The following ZNF385B variants were observed in gnomAD, a reference collection of about 807,000 sequenced individuals.
The protein encoded by ZNF385B is zinc finger protein 533.
ZNF385B carries 23 observed loss-of-function variants against 39.2 expected under a neutral mutation model. The ratio of observed to expected loss-of-function variants is 0.59; its 90% CI spans 0.42 to 0.83. The LOEUF (loss-of-function observed/expected upper bound fraction) is 0.83. Among genes scored for constraint, ZNF385B ranks in the 40% least tolerant of loss-of-function variants. ZNF385B has a pLI of 0.00. For synonymous variants in ZNF385B, 205 were observed against 222.6 expected, an observed-to-expected ratio of 0.92 and a Z score of 0.70; for missense variants, 552 against 598.9, an observed-to-expected ratio of 0.92 and a Z score of 0.82.
intron 3 of ZNF385B, 91 bp downstream of exon 3, chr2:179,769,412 G>A (rs556994995): frequency 1.0e-4 from 161 of 1,542,118 alleles, no homozygotes; most frequent in Non-Finnish European, 1.3e-4. Context: ...CAGTTTTAAG[G>A]TAAAAATTAA....
intron 1 of ZNF385B, among the ~76,000 whole-genome samples, chr2:179,833,553 C>T (rs1007500621): frequency 5.9e-5 from 9 of 152,064 alleles, no homozygotes; most frequent in South Asian, 2.1e-4. Flanking sequence ...CCCCTTATGC[C>T]GTTTGATAAA....
chr2:179,513,686 C>T (rs1366536864), intron 5 of ZNF385B, among the ~76,000 whole-genome samples: 1 of 152,174 alleles, frequency 6.6e-6, no homozygotes, highest in African/African-American at 2.4e-5. Flanking sequence ...ATCCTCCTGA[C>T]AGAGGTACTG....
In ZNF385B at chr2:179,548,433, T is replaced by G. The variant is rs190518294; in HGVS notation, c.299-3464A>C. 3.6e-4 allele frequency among the ~76,000 whole-genome samples: 52 copies of G among 144,528 alleles called. 7 individuals are homozygous for G. Among genetic ancestry groups the G allele is most frequent in the African/African-American group, 1.3e-3 (51 of 38,332 alleles). 94.8% of individuals were successfully genotyped at this position (144,528 alleles called of 152,430 possible). A position where few individuals can be genotyped will look rare whatever the true frequency, so the allele number is the denominator to read the frequency against. On this transcript the variant is annotated intron_variant, in intron 3 of 9. Transcript: ENST00000410066. ...GGTTTGTTTGTTTGTTTGTTTGTTT[T>G]AATATAACAACTTTATTGAGGTATA...
At chr2:179,582,181 G>A (rs1037534882) in intron 3 of ZNF385B, among the ~76,000 whole-genome samples, 20 of 150,914 alleles carry the variant, frequency 1.3e-4, no homozygotes, top group Admixed American at 1.3e-3. Context: ...TACACTAATA[G>A]AGAGAAAAGA....
At chr2:179,507,264 T>C (rs944921121) in intron 5 of ZNF385B, among the ~76,000 whole-genome samples, 3 of 152,120 alleles carry the variant, frequency 2.0e-5, no homozygotes, top group Non-Finnish European at 2.9e-5. Context: ...ACACAAAATT[T>C]TACATAGTTT....
At chr2:179,833,336 GGT>G (rs1708081027) in intron 1 of ZNF385B, among the ~76,000 whole-genome samples, 6 of 151,746 alleles carry the variant, frequency 4.0e-5, no homozygotes, top group South Asian at 4.2e-4. Context: ...AATAAGATGT[GGT>G]AGCTAGAAAA....
Position 179,844,926 on chromosome 2 carries a change from G to C in ZNF385B, c.-155+16175C>G, listed in dbSNP as rs115688854. The stretch of plus-strand genomic sequence containing the variant: ...ATTAAACTTAAAGAACCATGTCCAG[G>C]ACTTATTTATCCCATTGTCTTTCTT... On this transcript the variant is annotated intron_variant, in intron 1 of 9. Transcript: ENST00000410066. 7.1e-3 allele frequency among the ~76,000 whole-genome samples: 1,074 copies of C among 152,180 alleles called. 13 individuals carry two copies. Among genetic ancestry groups the C allele is most frequent in the African/African-American group, 0.025 (1,026 of 41,530 alleles).
chr2:179,815,674 G>A (rs554329388), intron 1 of ZNF385B, among the ~76,000 whole-genome samples: 4 of 152,036 alleles, frequency 2.6e-5, no homozygotes, highest in Non-Finnish European at 5.9e-5. Context: ...CTACTCTAGC[G>A]CTTAACCAGG....
intron 1 of ZNF385B, chr2:179,814,632 C>G: frequency 2.1e-6 from 1 of 473,912 alleles, no homozygotes; most frequent in South Asian, 1.9e-5. Context: ...TGGTGGCGAC[C>G]TGGTCTTGTC....
intron 3 of ZNF385B, among the ~76,000 whole-genome samples, chr2:179,608,957 G>A (rs1000757067): frequency 2.0e-5 from 3 of 149,462 alleles, no homozygotes; most frequent in African/African-American, 7.4e-5. Context: ...GTACAAAGTA[G>A]GTGTATATAT....
At chr2:179,745,624 G>C (rs1533384) in intron 3 of ZNF385B, 143,633 of 1,132,152 alleles carry the variant, frequency 0.13, 13,289 homozygotes, top group East Asian at 0.51. Flanking sequence ...CACAATTGAG[G>C]ACTCCACAGG....
chr2:179,582,874 A>T (rs186791503), intron 3 of ZNF385B, among the ~76,000 whole-genome samples: 5 of 152,126 alleles, frequency 3.3e-5, no homozygotes, highest in Admixed American at 3.3e-4. Flanking sequence ...TTTGAGATGG[A>T]GTTTCGCTGT....
intron 1 of ZNF385B, among the ~76,000 whole-genome samples, chr2:179,822,308 A>G (rs1707445817): frequency 6.6e-6 from 1 of 152,236 alleles, no homozygotes; most frequent in Admixed American, 6.5e-5. Context: ...AGCTTAATAC[A>G]TCACTTCACC....
intron 6 of ZNF385B, among the ~76,000 whole-genome samples, chr2:179,473,256 C>G (rs1443760878): frequency 6.6e-6 from 1 of 152,128 alleles, no homozygotes; most frequent in African/African-American, 2.4e-5. Flanking sequence ...AATGAAACCA[C>G]AAGTGCAAAT....
intron 3 of ZNF385B, among the ~76,000 whole-genome samples, chr2:179,601,497 ATAGT>A (rs2106104519): frequency 6.6e-6 from 1 of 152,284 alleles, no homozygotes; most frequent in Non-Finnish European, 1.5e-5. Context: ...AAGTATGATA[ATAGT>A]TTGCAGTTTT....
At chr2:179,535,132 T>C (rs1296982193) in intron 4 of ZNF385B, among the ~76,000 whole-genome samples, 1 of 152,192 alleles carries the variant, frequency 6.6e-6, no homozygotes, top group Non-Finnish European at 1.5e-5. Flanking sequence ...GAGAATTTCA[T>C]TCTATGCACC....
chr2:179,831,547 T>G (rs1353004531), intron 1 of ZNF385B, among the ~76,000 whole-genome samples: 1 of 152,148 alleles, frequency 6.6e-6, no homozygotes, highest in Non-Finnish European at 1.5e-5. Flanking sequence ...TTTTTGTTTT[T>G]AAAAAATCTA....
rs578259754 is a variant in ZNF385B at position 179,494,280 on chromosome 2, G to T, written c.553-10846C>A. 5.3e-5 allele frequency among the ~76,000 whole-genome samples: 8 copies of T among 152,118 alleles called. No individual in the cohort carries two copies. The South Asian group carries it at 1.7e-3, about 32-fold the overall frequency. On this transcript the variant is annotated intron_variant, in intron 5 of 9. Coordinates refer to ENST00000410066, the MANE Select transcript of ZNF385B (RefSeq NM_152520.6). ...ATTCTGAGTAGATGCAGAATCACAG[G>T]GGTGTTTTAAGTCAGAAGAGCAACC...
At chr2:179,729,880 C>T (rs1300445156) in intron 3 of ZNF385B, among the ~76,000 whole-genome samples, 2 of 152,106 alleles carry the variant, frequency 1.3e-5, no homozygotes, top group Non-Finnish European at 2.9e-5. Context: ...TGCCTGCCAC[C>T]GTGTAAGATG....
Sources: allele counts gnomAD v4.1 joint callset (sites outside exome capture counted in the v4.1 genomes callset), GRCh38; gene constraint gnomAD v4.1.1; transcripts MANE v1.5; gene names NCBI Gene and HGNC (gene_info 2026-07-23, HGNC 2026-07-21).